The following TRDN variants were observed in gnomAD, a reference collection of about 807,000 sequenced individuals.
TRDN encodes triadin.
A neutral mutation model predicts 149.7 loss-of-function variants in TRDN; 161 were observed. The observed-to-expected ratio is 1.08, with a 90% CI of 0.95 to 1.23. TRDN has a LOEUF of 1.23. TRDN is among the 50% of genes most tolerant of loss of function. TRDN has a pLI of 0.00. For synonymous variants in TRDN, 294 were observed against 250.5 expected, an observed-to-expected ratio of 1.17 and a Z score of -1.64; for missense variants, 896 against 823.5, an observed-to-expected ratio of 1.09 and a Z score of -1.08.
At chr6:123,415,695 C>A (rs189569385) in intron 12 of TRDN, among the ~76,000 whole-genome samples, 266 of 152,110 alleles carry the variant, frequency 1.7e-3, no homozygotes, top group Non-Finnish European at 1.6e-3. Context: ...GTTGTAGAGA[C>A]CTAAGAAAGA....
At chr6:123,453,890 G>GGTGTGTGTGTGTGTGTGT (rs533210679) in intron 10 of TRDN, among the ~76,000 whole-genome samples, 7 of 148,662 alleles carry the variant, frequency 4.7e-5, no homozygotes, top group East Asian at 2.0e-4. Context: ...AAGAAACTGT[G>GGTGTGTGTGTGTGTGTGT]GTGTGTGTGT....
At chr6:123,259,996 A>G (rs1776706964) in intron 34 of TRDN, among the ~76,000 whole-genome samples, 1 of 145,304 alleles carries the variant, frequency 6.9e-6, no homozygotes, top group South Asian at 2.2e-4. Context: ...TTTTTTTGAG[A>G]TAGGGTCTTT....
At chr6:123,392,757 G>A (rs1330275728) in intron 13 of TRDN, among the ~76,000 whole-genome samples, 2 of 151,906 alleles carry the variant, frequency 1.3e-5, no homozygotes, top group Non-Finnish European at 2.9e-5. Context: ...ATTTTCGGGG[G>A]TGATTCTGCA....
At chr6:123,256,025 G>T (rs1267981890) in intron 35 of TRDN, 123 bp from the exon 36 acceptor site, 3 of 433,578 alleles carry the variant, frequency 6.9e-6, no homozygotes, top group African/African-American at 4.2e-5. Flanking sequence ...GTGTCATGGT[G>T]GTTTGCTGCA....
chr6:123,636,782 C>T lies in TRDN; in HGVS notation c.-7G>A, dbSNP rs372038520. 5 of 1,611,106 alleles carry T rather than the reference C, an allele frequency of 3.1e-6. No individual in the cohort carries two copies. Among genetic ancestry groups the T allele is most frequent in the African/African-American group, 1.3e-5 (1 of 74,654 alleles). On this transcript the variant is annotated 5_prime_UTR_variant, in exon 1 of 41. Coordinates refer to ENST00000334268, the MANE Select transcript of TRDN (RefSeq NM_006073.4). ...CAGCAGTGATCTCAGTCATGGTGGT[C>T]GTCAAAAGTAAAAGTCAGTTGAAAA...
At chr6:123,292,547 A>G (rs1013090765) in intron 24 of TRDN, among the ~76,000 whole-genome samples, 1 of 152,218 alleles carries the variant, frequency 6.6e-6, no homozygotes, top group African/African-American at 2.4e-5. Context: ...TCTTCTTCAG[A>G]GAGGAAAAAT....
At chr6:123,335,687 C>T (rs960315662) in intron 22 of TRDN, among the ~76,000 whole-genome samples, 9 of 151,860 alleles carry the variant, frequency 5.9e-5, no homozygotes, top group African/African-American at 2.2e-4. Context: ...CAAAGTGTAG[C>T]TTTGGAGTTA....
intron 12 of TRDN, among the ~76,000 whole-genome samples, chr6:123,412,245 C>T (rs931032150): frequency 6.6e-6 from 1 of 152,098 alleles, no homozygotes; most frequent in Non-Finnish European, 1.5e-5. Flanking sequence ...TATTGGAAAA[C>T]AAGGGAAATG....
At chr6:123,581,630 G>A (rs1042161215) in intron 1 of TRDN, among the ~76,000 whole-genome samples, 2 of 152,174 alleles carry the variant, frequency 1.3e-5, no homozygotes, top group Non-Finnish European at 2.9e-5. Context: ...ACATTTTCAT[G>A]ATATGAGAAA....
intron 38 of TRDN, among the ~76,000 whole-genome samples, chr6:123,237,165 C>T (rs1461649222): frequency 1.1e-5 from 1 of 90,172 alleles, no homozygotes; most frequent in African/African-American, 5.6e-5. Flanking sequence ...TATTAGGTAA[C>T]ACGAACTAAT....
At chr6:123,437,595 CTG>C in intron 12 of TRDN, among the ~76,000 whole-genome samples, 1 of 152,004 alleles carries the variant, frequency 6.6e-6, no homozygotes, top group Admixed American at 6.6e-5. Context: ...TCTCAAGGAA[CTG>C]AGAGCCATCC....
chr6:123,289,812 C>T (rs1212972258), intron 24 of TRDN, among the ~76,000 whole-genome samples: 1 of 152,062 alleles, frequency 6.6e-6, no homozygotes, highest in Non-Finnish European at 1.5e-5. Flanking sequence ...GTCTAGGATG[C>T]CCAGACAAGA....
At chr6:123,519,913 TTAAG>T (rs1387471289) in intron 5 of TRDN, among the ~76,000 whole-genome samples, 2 of 152,110 alleles carry the variant, frequency 1.3e-5, no homozygotes, top group Non-Finnish European at 2.9e-5. Context: ...TCTATAGACT[TTAAG>T]TAGGTGAACA....
At chr6:123,552,922 A>C (rs73536797) in intron 2 of TRDN, among the ~76,000 whole-genome samples, 4,944 of 152,104 alleles carry the variant, frequency 0.033, 108 homozygotes, top group African/African-American at 0.066. Flanking sequence ...CTCTATTCAA[A>C]CTCTCTGTAC....
intron 9 of TRDN, among the ~76,000 whole-genome samples, chr6:123,492,202 C>T (rs1053227391): frequency 6.6e-6 from 1 of 151,974 alleles, no homozygotes; most frequent in South Asian, 2.1e-4. Context: ...AATAAATTAC[C>T]GTGACATAAT....
At chr6:123,622,339 A>G (rs1044290934) in intron 1 of TRDN, among the ~76,000 whole-genome samples, 2 of 131,540 alleles carry the variant, frequency 1.5e-5, no homozygotes, top group African/African-American at 6.1e-5. Flanking sequence ...ACACACACAC[A>G]CACACACAGG....
At chr6:123,265,580 TA>T (rs1395133975) in intron 32 of TRDN, among the ~76,000 whole-genome samples, 1 of 151,250 alleles carries the variant, frequency 6.6e-6, no homozygotes, top group East Asian at 1.9e-4. Flanking sequence ...TTTATTCCTG[TA>T]AACCTCATAT....
At position 123,530,553 on chromosome 6, in the gene TRDN, T is replaced by C. The variant is rs1449421617; in HGVS notation, c.437A>G (p.Asp146Gly). The stretch of plus-strand genomic sequence containing the variant: ...AGGTTTCTCTTGTTTTTCAGTCTTA[T>C]CTTTGTGTATTTCTAAGAAAAAATA... ...PPLRKKEIHK[D>G]KTEKQEKPER... The change falls in exon 5 of 41, where the codon GAT (aspartate) becomes GGT (glycine). Residue 146 changes from aspartate (D) to glycine (G), a missense_variant. Physicochemically the swap from Asp to Gly is moderately conservative, Grantham distance 94. Coordinates refer to ENST00000334268, the MANE Select transcript of TRDN (RefSeq NM_006073.4). 5 of 1,253,706 alleles carry C rather than the reference T, an allele frequency of 4.0e-6. No individual in the cohort carries two copies. The highest frequency in any genetic ancestry group is 5.3e-6 in the Non-Finnish European group (5 of 935,696). 77.7% of individuals were successfully genotyped at this position (1,253,706 alleles called of 1,614,324 possible).
intron 12 of TRDN, among the ~76,000 whole-genome samples, chr6:123,436,114 A>T (rs1774551863): frequency 1.3e-5 from 2 of 152,042 alleles, no homozygotes; most frequent in Non-Finnish European, 2.9e-5. Flanking sequence ...TACAACTCAA[A>T]ATTTTCTTCT....
Sources: gnomAD v4.1 joint callset for allele counts (sites outside exome capture counted in the v4.1 genomes callset) on GRCh38, gnomAD v4.1.1 for gene constraint, MANE v1.5 for transcripts, NCBI Gene and HGNC (gene_info 2026-07-23, HGNC 2026-07-21) for gene names.